Variants in PCSK5 observed in about 807,000 individuals in gnomAD.
The protein encoded by PCSK5 is prohormone convertase 5.
A neutral mutation model predicts 233.2 loss-of-function variants in PCSK5; 129 were observed. The ratio of observed to expected loss-of-function variants is 0.55; its 90% CI spans 0.48 to 0.64. The LOEUF is 0.64. Among genes scored for constraint, PCSK5 ranks in the 30% least tolerant of loss-of-function variants. The probability of loss-of-function intolerance (pLI) is 0.00; values close to 1 mark genes in which losing one functional copy is unlikely to be tolerated. For missense variants in PCSK5, 2,076 were observed against 2,430.1 expected, an observed-to-expected ratio of 0.85 and a Z score of 3.06; for synonymous variants, 825 against 879.2, an observed-to-expected ratio of 0.94 and a Z score of 1.09.
intron 12 of PCSK5, among the ~76,000 whole-genome samples, chr9:76,167,212 G>A (rs1310718624): frequency 6.6e-6 from 1 of 151,056 alleles, no homozygotes. Context: ...ATTTCGAGAG[G>A]GAACCTTTAT....
chr9:76,067,346 T>A (rs1359758383), intron 5 of PCSK5, among the ~76,000 whole-genome samples: 2 of 152,212 alleles, frequency 1.3e-5, no homozygotes, highest in African/African-American at 4.8e-5. Context: ...TTTTATTCAA[T>A]AAGATATTTT....
intron 24 of PCSK5, among the ~76,000 whole-genome samples, chr9:76,274,935 C>A (rs548711897): frequency 6.6e-6 from 1 of 152,120 alleles, no homozygotes; most frequent in African/African-American, 2.4e-5. Context: ...GGAGGGGAGG[C>A]ACCAGGCTCT....
chr9:76,257,673 G>C (rs1827028304), intron 24 of PCSK5, among the ~76,000 whole-genome samples: 1 of 152,156 alleles, frequency 6.6e-6, no homozygotes, highest in Non-Finnish European at 1.5e-5. Context: ...CGGCAAGCTG[G>C]AGAAGGACCA....
chr9:76,087,511 T>C (rs1831113465), intron 7 of PCSK5, among the ~76,000 whole-genome samples: 1 of 152,208 alleles, frequency 6.6e-6, no homozygotes, highest in Admixed American at 6.5e-5. Flanking sequence ...ATTCATGGAC[T>C]AGGATATGAA....
chr9:76,029,194 A>C (rs184414787), intron 5 of PCSK5, among the ~76,000 whole-genome samples: 1 of 152,222 alleles, frequency 6.6e-6, no homozygotes, highest in East Asian at 1.9e-4. Flanking sequence ...CATGACAAAG[A>C]TGTTAGTATT....
intron 9 of PCSK5, among the ~76,000 whole-genome samples, chr9:76,121,142 T>C (rs1425765225): frequency 6.6e-6 from 1 of 152,130 alleles, no homozygotes; most frequent in South Asian, 2.1e-4. Context: ...TTTTTGTCAA[T>C]GTTTGTGTTT....
At chr9:76,056,949 G>A (rs1829841782) in intron 5 of PCSK5, among the ~76,000 whole-genome samples, 1 of 151,970 alleles carries the variant, frequency 6.6e-6, no homozygotes, top group African/African-American at 2.4e-5. Context: ...GTAATATTGT[G>A]GGCATATGCA....
intron 2 of PCSK5, among the ~76,000 whole-genome samples, chr9:75,981,800 C>T (rs543146471): frequency 6.6e-6 from 1 of 152,254 alleles, no homozygotes; most frequent in South Asian, 2.1e-4. Flanking sequence ...TGGGCATAAA[C>T]CATCCTCCTG....
intron 7 of PCSK5, among the ~76,000 whole-genome samples, chr9:76,079,926 G>A (rs1830773852): frequency 6.6e-6 from 1 of 152,156 alleles, no homozygotes; most frequent in Non-Finnish European, 1.5e-5. Context: ...AGTTAATCAT[G>A]TAGGTTTTGC....
chr9:76,194,317 C>T (rs914636798), intron 20 of PCSK5: 4 of 152,006 alleles, frequency 2.6e-5, no homozygotes, highest in Non-Finnish European at 5.9e-5. Context: ...GAAATCTCTT[C>T]CTGGAGTCAA....
intron 24 of PCSK5, among the ~76,000 whole-genome samples, chr9:76,274,124 G>C (rs1033733350): frequency 6.6e-6 from 1 of 151,422 alleles, no homozygotes; most frequent in Admixed American, 6.6e-5. Context: ...CTGTTTTTTA[G>C]CTTTTATTGC....
chr9:76,083,809 C>T (rs1490172615), intron 7 of PCSK5, among the ~76,000 whole-genome samples: 3 of 152,250 alleles, frequency 2.0e-5, no homozygotes, highest in South Asian at 2.1e-4. Context: ...ACATTCACCA[C>T]GAGGGGACAG....
chr9:76,089,510 A>G (rs564350439), intron 7 of PCSK5, among the ~76,000 whole-genome samples: 1 of 152,292 alleles, frequency 6.6e-6, no homozygotes, highest in East Asian at 1.9e-4. Flanking sequence ...AGTGCTATCT[A>G]CTTTGCTGAT....
chr9:76,274,216 T>A (rs1282568040), intron 24 of PCSK5, among the ~76,000 whole-genome samples: 1 of 152,144 alleles, frequency 6.6e-6, no homozygotes, highest in African/African-American at 2.4e-5. Flanking sequence ...CCTAATCTAC[T>A]GTTTAATCTA....
rs1254546846 is a variant in PCSK5, at chr9:76,359,198, GA to G, written c.*278del. 1 of 396,880 alleles carries G rather than the reference GA, an allele frequency of 2.5e-6. No homozygotes were observed. The highest frequency in any genetic ancestry group is 4.6e-6 in the Non-Finnish European group (1 of 217,656). 24.6% of individuals were successfully genotyped at this position (396,880 alleles called of 1,614,324 possible). ...AAATAATGTGTTAAGACACAAAAAT[GA>G]AGGAAGTGAAAACAAATGAGATTTG... On this transcript the variant is annotated 3_prime_UTR_variant, in exon 38 of 38. Coordinates refer to ENST00000674117, the MANE Select transcript of PCSK5 (RefSeq NM_001372043.1).
rs146900637 is a variant in PCSK5 at position 76,210,284 on chromosome 9, T to C, written c.2627-17219T>C. 4.9e-3 allele frequency among the ~76,000 whole-genome samples: 743 copies of C among 152,154 alleles called. 5 individuals carry two copies. The highest frequency in any genetic ancestry group is 0.017 in the African/African-American group (704 of 41,518). The stretch of plus-strand genomic sequence containing the variant: ...GTCGTGGAGAAACTCTGGAAAATGG[T>C]ATATAACATAGGCCTCAGAGTTTCC... On this transcript the variant is annotated intron_variant, in intron 20 of 37. Transcript: ENST00000674117.
chr9:76,026,245 G>A (rs548940924), intron 4 of PCSK5, among the ~76,000 whole-genome samples: 3 of 152,238 alleles, frequency 2.0e-5, no homozygotes, highest in South Asian at 2.1e-4. Flanking sequence ...AAGCAAACAA[G>A]CAAATCCAAC....
At chr9:76,349,098 C>G (rs1423269196) in intron 35 of PCSK5, among the ~76,000 whole-genome samples, 1 of 136,150 alleles carries the variant, frequency 7.3e-6, no homozygotes, top group African/African-American at 2.6e-5. Flanking sequence ...AGTGAAACCC[C>G]GTCTCTACTA....
chr9:76,274,095 G>A (rs957561726), intron 24 of PCSK5, among the ~76,000 whole-genome samples: 5 of 151,466 alleles, frequency 3.3e-5, no homozygotes, highest in East Asian at 1.9e-4. Flanking sequence ...TAACCTCCAC[G>A]TTTCTTAACC....
Sources: allele counts gnomAD v4.1 joint callset (sites outside exome capture counted in the v4.1 genomes callset), GRCh38; gene constraint gnomAD v4.1.1; transcripts MANE v1.5; gene names NCBI Gene and HGNC (gene_info 2026-07-23, HGNC 2026-07-21).